NR5A2: variants seen among roughly 807,000 people sequenced by gnomAD.
The protein encoded by NR5A2 is CYP7A promoter-binding factor.
In NR5A2, 26 loss-of-function variants were observed where a neutral mutation model predicts 62.7. The observed-to-expected ratio is 0.41, with a 90% CI of 0.30 to 0.58. The LOEUF (loss-of-function observed/expected upper bound fraction) is 0.58, where lower values mean the gene tolerates loss of function less well. Ranked by LOEUF, NR5A2 falls within the 20% of genes least tolerant of loss-of-function variation. The pLI is 0.22. For synonymous variants in NR5A2, 246 were observed against 241.7 expected, an observed-to-expected ratio of 1.02 and a Z score of -0.16; for missense variants, 541 against 669.1, an observed-to-expected ratio of 0.81 and a Z score of 2.11.
At chr1:200,150,736 T>A (rs1019680956) in intron 7 of NR5A2, among the ~76,000 whole-genome samples, 17 of 152,204 alleles carry the variant, frequency 1.1e-4, no homozygotes, top group African/African-American at 2.9e-4. Flanking sequence ...CTAAAAAGGC[T>A]CTGGAAAGGC....
chr1:200,046,552 TA>T (rs562519508), intron 4 of NR5A2, among the ~76,000 whole-genome samples: 58 of 148,346 alleles, frequency 3.9e-4, no homozygotes, highest in Middle Eastern at 3.5e-3. Context: ...ATAGAAATAC[TA>T]AAAAAAAAAA....
At chr1:200,073,162 G>A (rs1008929853) in intron 5 of NR5A2, among the ~76,000 whole-genome samples, 2 of 150,412 alleles carry the variant, frequency 1.3e-5, no homozygotes, top group African/African-American at 4.9e-5. Flanking sequence ...GAACAGCCCT[G>A]AACCAAAAGT....
chr1:200,171,174 C>T (rs1654158485), intron 7 of NR5A2, among the ~76,000 whole-genome samples: 1 of 152,088 alleles, frequency 6.6e-6, no homozygotes, highest in African/African-American at 2.4e-5. Flanking sequence ...AGGATCATTG[C>T]CATGTGTATA....
chr1:200,043,446 C>A (rs1005814646), intron 2 of NR5A2, among the ~76,000 whole-genome samples: 1 of 152,244 alleles, frequency 6.6e-6, no homozygotes, highest in African/African-American at 2.4e-5. Context: ...AAAAGAAATT[C>A]TAAACTGTCA....
chr1:200,036,903 A>T (rs190698386), intron 1 of NR5A2, among the ~76,000 whole-genome samples: 22 of 152,296 alleles, frequency 1.4e-4, no homozygotes, highest in African/African-American at 4.3e-4. Flanking sequence ...TCCCTCCGTG[A>T]TACAAGCTCC....
At chr1:200,046,758 A>G (rs915003979) in intron 4 of NR5A2, among the ~76,000 whole-genome samples, 1 of 152,230 alleles carries the variant, frequency 6.6e-6, no homozygotes, top group African/African-American at 2.4e-5. Flanking sequence ...CTTACTACAT[A>G]CAGTAAGAGA....
intron 5 of NR5A2, among the ~76,000 whole-genome samples, chr1:200,095,939 C>T (rs960483524): frequency 2.0e-5 from 3 of 152,140 alleles, no homozygotes; most frequent in African/African-American, 7.2e-5. Context: ...ACTAGATGGG[C>T]CTGAAAATGC....
chr1:200,143,100 G>T (rs1667520107), intron 7 of NR5A2, among the ~76,000 whole-genome samples: 1 of 152,112 alleles, frequency 6.6e-6, no homozygotes, highest in Non-Finnish European at 1.5e-5. Context: ...CTTTGAGTAA[G>T]ACTTTTGGTG....
At chr1:200,108,942 C>T (rs981886897) in intron 5 of NR5A2, among the ~76,000 whole-genome samples, 1 of 152,238 alleles carries the variant, frequency 6.6e-6, no homozygotes, top group Non-Finnish European at 1.5e-5. Context: ...GCATAAGCTG[C>T]TGCCCACCAC....
intron 7 of NR5A2, among the ~76,000 whole-genome samples, chr1:200,170,077 T>C (rs1379505858): frequency 6.6e-6 from 1 of 152,224 alleles, no homozygotes; most frequent in African/African-American, 2.4e-5. Context: ...CTCCAGAACA[T>C]GTAATCATTT....
At chr1:200,077,155 C>T (rs1224406760) in intron 5 of NR5A2, among the ~76,000 whole-genome samples, 2 of 152,090 alleles carry the variant, frequency 1.3e-5, no homozygotes, top group African/African-American at 4.8e-5. Flanking sequence ...TGCCTAAGGC[C>T]AGAATTATAA....
In NR5A2 at chr1:200,048,924, C is replaced by A; in HGVS notation, c.1110+106C>A. Reference sequence around the variant, plus strand: ...CTGAAAATATGTGTTCCTTAATTTTCTACTTTGTATGATTTACAGAGTAGA... The same window carrying A: ...CTGAAAATATGTGTTCCTTAATTTTATACTTTGTATGATTTACAGAGTAGA... On this transcript the variant is annotated intron_variant, in intron 5 of 7. Transcript: ENST00000367362. The surrounding 1 kb of genome is among the most constrained non-coding windows in gnomAD (Gnocchi z 4.8). The A allele has an allele frequency of 3.6e-6, 5 of 1,374,654 alleles. No homozygotes were observed. The highest frequency in any genetic ancestry group is 5.0e-6 in the Non-Finnish European group (5 of 1,003,480). 85.2% of individuals were successfully genotyped at this position (1,374,654 alleles called of 1,614,324 possible).
intron 6 of NR5A2, among the ~76,000 whole-genome samples, chr1:200,115,692 T>G (rs1445329771): frequency 6.6e-6 from 1 of 152,168 alleles, no homozygotes; most frequent in Non-Finnish European, 1.5e-5. Context: ...CTTTTCACTG[T>G]GTACTTTCAC....
intron 5 of NR5A2, among the ~76,000 whole-genome samples, chr1:200,110,447 A>G (rs1221584575): frequency 6.6e-6 from 1 of 152,242 alleles, no homozygotes; most frequent in Non-Finnish European, 1.5e-5. Flanking sequence ...TGGAACGTGC[A>G]TAAGATCCCC....
chr1:200,098,201 C>G (rs1404308949), intron 5 of NR5A2, among the ~76,000 whole-genome samples: 4 of 152,166 alleles, frequency 2.6e-5, no homozygotes, highest in African/African-American at 7.2e-5. Context: ...GGACTGAGAC[C>G]CAGAATAAAT....
Position 200,133,526 on chromosome 1 carries a change from T to TATATATATATATATATATATATAC in NR5A2, c.1378+12572_1378+12573insTATATATATATATATATATATACA, listed in dbSNP as rs1416690757. On this transcript the variant is annotated intron_variant, in intron 7 of 7. Coordinates refer to ENST00000367362, the MANE Select transcript of NR5A2 (RefSeq NM_205860.3). ...TGGACTATATATATATATATATATA[T>TATATATATATATATATATATATAC]ACACACACATATATATATATACACA... is the stretch of plus-strand genomic sequence containing the variant. Among the ~76,000 whole-genome samples, 5 of 87,408 alleles carry TATATATATATATATATATATATAC rather than the reference T, an allele frequency of 5.7e-5. No homozygotes were observed. In the East Asian group the frequency reaches 1.5e-3, roughly 26 times the overall value. 57.3% of individuals were successfully genotyped at this position (87,408 alleles called of 152,430 possible). A position where few individuals can be genotyped will look rare whatever the true frequency, so the allele number is the denominator to read the frequency against.
At chr1:200,112,973 T>C (rs1031912944) in intron 6 of NR5A2, among the ~76,000 whole-genome samples, 5 of 152,234 alleles carry the variant, frequency 3.3e-5, no homozygotes, top group Non-Finnish European at 7.3e-5. Context: ...ATATTTCTTA[T>C]TTCACATTTC....
chr1:200,104,779 C>T (rs1665564115), intron 5 of NR5A2, among the ~76,000 whole-genome samples: 1 of 152,318 alleles, frequency 6.6e-6, no homozygotes, highest in African/African-American at 2.4e-5. Flanking sequence ...TCTCCTGTCT[C>T]AGCCTCCCGA....
chr1:200,048,827 C>G lies in NR5A2; in HGVS notation c.1110+9C>G. Reference sequence around the variant, plus strand: ...TCTTCAGAGAACTTAAGGTATGCCACCAGCTATTACAACTTACAGCACCCC... The same window carrying G: ...TCTTCAGAGAACTTAAGGTATGCCAGCAGCTATTACAACTTACAGCACCCC... On this transcript the variant is annotated intron_variant, in intron 5 of 7. Transcript: ENST00000367362. This position sits in a 1 kb window ranked among gnomAD's most constrained non-coding sequence, Gnocchi z 4.8. The G allele has an allele frequency of 6.2e-7, 1 of 1,611,828 alleles. No homozygotes were observed. Among genetic ancestry groups the G allele is most frequent in the Non-Finnish European group, 8.5e-7 (1 of 1,178,030 alleles).
Sources: gnomAD v4.1 joint callset for allele counts (sites outside exome capture counted in the v4.1 genomes callset) on GRCh38, gnomAD v4.1.1 for gene constraint, Gnocchi (gnomAD v3.1) non-coding constraint, MANE v1.5 for transcripts, NCBI Gene and HGNC (gene_info 2026-07-23, HGNC 2026-07-21) for gene names.